Variants in SEM1 observed in about 807,000 individuals in gnomAD.
The protein encoded by SEM1 is 26S proteasome complex subunit SEM1.
In SEM1, 3 loss-of-function variants were observed where a neutral mutation model predicts 12.7. The ratio of observed to expected loss-of-function variants is 0.24; its 90% CI spans 0.11 to 0.61. The LOEUF (loss-of-function observed/expected upper bound fraction) is 0.61, where lower values mean the gene tolerates loss of function less well. Ranked by LOEUF, SEM1 falls within the 20% of genes least tolerant of loss-of-function variation. The probability of loss-of-function intolerance (pLI) is 0.88; values close to 1 mark genes in which losing one functional copy is unlikely to be tolerated. For missense variants in SEM1, 59 were observed against 81.3 expected, an observed-to-expected ratio of 0.73 and a Z score of 1.06; for synonymous variants, 30 against 27.8, an observed-to-expected ratio of 1.08 and a Z score of -0.25.
chr7:96,493,043 G>A (rs1160979620), intron 1 of SEM1, among the ~76,000 whole-genome samples: 2 of 151,978 alleles, frequency 1.3e-5, no homozygotes, highest in African/African-American at 4.8e-5. Flanking sequence ...ACGCAATCTC[G>A]GCTCACTGCA....
intron 2 of SEM1, among the ~76,000 whole-genome samples, chr7:96,554,588 T>C (rs924621099): frequency 6.6e-6 from 1 of 151,116 alleles, no homozygotes; most frequent in African/African-American, 2.4e-5. Context: ...TGCTGCTGGA[T>C]TCATTTTGCC....
At chr7:96,525,200 T>TA (rs1804411330) in intron 2 of SEM1, among the ~76,000 whole-genome samples, 3 of 151,950 alleles carry the variant, frequency 2.0e-5, no homozygotes, top group Non-Finnish European at 4.4e-5. Flanking sequence ...CAGGCTCTTA[T>TA]ATAAACAATT....
At chr7:96,706,250 C>T (rs1189940899) in intron 1 of SEM1, 1 of 152,116 alleles carries the variant, frequency 6.6e-6, no homozygotes, top group East Asian at 1.9e-4. Flanking sequence ...AGATGTTGCA[C>T]TTTACATTGA....
intron 1 of SEM1, among the ~76,000 whole-genome samples, chr7:96,487,056 G>T: frequency 6.6e-6 from 1 of 152,096 alleles, no homozygotes; most frequent in East Asian, 1.9e-4. Flanking sequence ...CGCTGGAGCT[G>T]GGAGAGTCCA....
intron 2 of SEM1, among the ~76,000 whole-genome samples, chr7:96,680,482 C>G (rs1789577049): frequency 6.6e-6 from 1 of 151,990 alleles, no homozygotes; most frequent in Admixed American, 6.6e-5. Context: ...GGTGTGCCGG[C>G]CCAGGCAAAG....
At chr7:96,693,172 T>G (rs954386458) in intron 2 of SEM1, among the ~76,000 whole-genome samples, 1 of 149,974 alleles carries the variant, frequency 6.7e-6, no homozygotes, top group African/African-American at 2.4e-5. Flanking sequence ...TATTATAAAC[T>G]ATTTCACTTT....
chr7:96,550,669 G>C (rs1442108192), intron 2 of SEM1, among the ~76,000 whole-genome samples: 1 of 152,190 alleles, frequency 6.6e-6, no homozygotes, highest in Non-Finnish European at 1.5e-5. Context: ...AGTAGCTCCA[G>C]ATTATCCAAG....
intron 2 of SEM1, among the ~76,000 whole-genome samples, chr7:96,542,961 A>G (rs1805000814): frequency 6.6e-6 from 1 of 151,950 alleles, no homozygotes; most frequent in Non-Finnish European, 1.5e-5. Context: ...AAAGGATTGC[A>G]TTTTTAATTT....
At chr7:96,616,225 TAAC>T (rs1228661804) in intron 2 of SEM1, among the ~76,000 whole-genome samples, 1 of 152,218 alleles carries the variant, frequency 6.6e-6, no homozygotes, top group Non-Finnish European at 1.5e-5. Flanking sequence ...GACTTTTTAA[TAAC>T]AGCCATTCTA....
At chr7:96,707,927 T>C (rs1790521596) in intron 1 of SEM1, among the ~76,000 whole-genome samples, 1 of 152,228 alleles carries the variant, frequency 6.6e-6, no homozygotes, top group African/African-American at 2.4e-5. Flanking sequence ...ATGTTACAGA[T>C]AAAGTTTGGA....
intron 2 of SEM1, 52 bp downstream of exon 2, chr7:96,694,746 C>T (rs1563116636): frequency 5.2e-6 from 6 of 1,159,000 alleles, no homozygotes; most frequent in African/African-American, 1.5e-5. Context: ...ATTACATATT[C>T]CATGCTTATA....
intron 2 of SEM1, among the ~76,000 whole-genome samples, chr7:96,508,949 T>C (rs940748337): frequency 6.6e-6 from 1 of 151,862 alleles, no homozygotes; most frequent in Non-Finnish European, 1.5e-5. Context: ...TGATTATGAA[T>C]CTATTTTTAA....
intron 2 of SEM1, among the ~76,000 whole-genome samples, chr7:96,633,946 A>G (rs903212559): frequency 1.3e-5 from 2 of 152,214 alleles, no homozygotes; most frequent in Admixed American, 1.3e-4. Context: ...AATATTACAT[A>G]GAAAATAAAT....
chr7:96,698,427 G>A (rs1455600388), intron 1 of SEM1, among the ~76,000 whole-genome samples: 1 of 64,724 alleles, frequency 1.5e-5, no homozygotes, highest in Non-Finnish European at 2.9e-5. Flanking sequence ...TTCCCACCCC[G>A]ACAGGCCCAG....
chr7:96,684,747 T>C (rs565742891), downstream of SEM1, among the ~76,000 whole-genome samples: 70 of 152,116 alleles, frequency 4.6e-4, no homozygotes, highest in Admixed American at 1.0e-3. Context: ...CTCATCAAGT[T>C]AATTTTAACT....
intron 1 of SEM1, among the ~76,000 whole-genome samples, chr7:96,489,445 C>A (rs991493862): frequency 6.6e-6 from 1 of 152,142 alleles, no homozygotes; most frequent in Non-Finnish European, 1.5e-5. Context: ...CTAATGAAGA[C>A]TTTGAAAGCC....
chr7:96,598,909 CTT>C (rs1431909597), intron 2 of SEM1, among the ~76,000 whole-genome samples: 6 of 152,078 alleles, frequency 3.9e-5, no homozygotes, highest in Non-Finnish European at 7.4e-5. Flanking sequence ...CATAATCTCT[CTT>C]GTTGAGAAAA....
At chr7:96,510,407 T>C (rs970082499) in intron 2 of SEM1, among the ~76,000 whole-genome samples, 5 of 152,174 alleles carry the variant, frequency 3.3e-5, no homozygotes, top group African/African-American at 9.6e-5. Flanking sequence ...CATGTTACTA[T>C]ACCAAACACT....
intron 2 of SEM1, among the ~76,000 whole-genome samples, chr7:96,693,799 T>C (rs1289238422): frequency 6.6e-6 from 1 of 151,498 alleles, no homozygotes; most frequent in Non-Finnish European, 1.5e-5. Flanking sequence ...TGTATATATA[T>C]ATATATAAAA....
Sources: gnomAD v4.1 joint callset for allele counts (sites outside exome capture counted in the v4.1 genomes callset) on GRCh38, gnomAD v4.1.1 for gene constraint, MANE v1.5 for transcripts, NCBI Gene and HGNC (gene_info 2026-07-23, HGNC 2026-07-21) for gene names.